FDX1: variants seen among roughly 807,000 people sequenced by gnomAD.
FDX1 encodes adrenodoxin, mitochondrial.
FDX1 carries 9 observed loss-of-function variants against 14.9 expected under a neutral mutation model. The observed-to-expected ratio is 0.60, with a 90% CI of 0.36 to 1.05. The LOEUF (loss-of-function observed/expected upper bound fraction) is 1.05. FDX1 is among the 50% of genes least tolerant of loss of function. The pLI is 0.01. For missense variants in FDX1, 204 were observed against 237.2 expected (o/e 0.86, Z 0.92); for synonymous variants, 92 against 99.4 (o/e 0.93, Z 0.44).
At chr11:110,442,242 AG>A (rs1458123442) in intron 2 of FDX1, among the ~76,000 whole-genome samples, 1 of 152,228 alleles carries the variant, frequency 6.6e-6, no homozygotes, top group Non-Finnish European at 1.5e-5. Context: ...CCCCACACAG[AG>A]TCCCTATTGG....
In FDX1 at chr11:110,444,685, C is replaced by CGTATATATATATATATAT. The variant is rs1946430925; in HGVS notation, c.310+8727_310+8728insGTATATATATATATATAT. ...ATATACGTATATATATATATATATA[C>CGTATATATATATATATAT]ACGTATATATATATATATACGTATA... On this transcript the variant is annotated intron_variant, in intron 2 of 3. Coordinates refer to ENST00000260270, the MANE Select transcript of FDX1 (RefSeq NM_004109.5). Among the ~76,000 whole-genome samples the CGTATATATATATATATAT allele has an allele frequency of 8.2e-5, 3 of 36,734 alleles. No homozygotes were observed. The South Asian group carries it at 2.8e-3, about 34-fold the overall frequency. The allele number at this position is 36,734 out of a possible 152,430, so 24.1% of individuals were successfully genotyped here.
chr11:110,433,597 C>G (rs1192052805), intron 1 of FDX1, among the ~76,000 whole-genome samples: 1 of 152,100 alleles, frequency 6.6e-6, no homozygotes, highest in Non-Finnish European at 1.5e-5. Flanking sequence ...TATTTTCATT[C>G]TCAGCCATTG....
intron 3 of FDX1, 83 bp from the exon 4 acceptor site, chr11:110,462,271 A>G (rs1270336563): frequency 5.8e-6 from 4 of 695,276 alleles, no homozygotes; most frequent in South Asian, 5.6e-5. Context: ...GTAAGAAAAT[A>G]TAAAGACTAT....
At chr11:110,432,614 G>A (rs1946339075) in intron 1 of FDX1, among the ~76,000 whole-genome samples, 1 of 152,140 alleles carries the variant, frequency 6.6e-6, no homozygotes, top group African/African-American at 2.4e-5. Flanking sequence ...GATTACAGGC[G>A]CGTGCCACCA....
intron 3 of FDX1, among the ~76,000 whole-genome samples, chr11:110,457,934 C>T (rs1173994270): frequency 6.6e-6 from 1 of 151,844 alleles, no homozygotes; most frequent in Non-Finnish European, 1.5e-5. Context: ...GACTGATAAC[C>T]CTGGGAAGAG....
chr11:110,464,823 A>G lies in FDX1; in HGVS notation c.*2355A>G, dbSNP rs1218669493. ...TTTCAAATTAGAAAAGTTCAAATGA[A>G]GTTTAATTGTGTTATTTTATAAAAC... On this transcript the variant is annotated 3_prime_UTR_variant, in exon 4 of 4. Transcript: ENST00000260270. The G allele has an allele frequency of 2.6e-5, 4 of 152,200 alleles. No homozygotes were observed. Among genetic ancestry groups the G allele is most frequent in the African/African-American group, 9.6e-5 (4 of 41,452 alleles). 9.4% of individuals were successfully genotyped at this position (152,200 alleles called of 1,614,324 possible). A position where few individuals can be genotyped will look rare whatever the true frequency, so the allele number is the denominator to read the frequency against.
At chr11:110,436,515 TTTCCTTGAC>T (rs1946370576) in intron 2 of FDX1, among the ~76,000 whole-genome samples, 1 of 152,108 alleles carries the variant, frequency 6.6e-6, no homozygotes, top group African/African-American at 2.4e-5. Flanking sequence ...TCTCAGAGGG[TTTCCTTGAC>T]CGTTAGCATT....
At position 110,435,684 on chromosome 11, in the gene FDX1, C is replaced by A. The variant is rs182106488; in HGVS notation, c.186-150C>A. 9.9e-3 allele frequency: 5,402 copies of A among 547,176 alleles called. 50 individuals are homozygous for A. Among genetic ancestry groups the A allele is most frequent in the Middle Eastern group, 0.038 (77 of 2,042 alleles). The allele number at this position is 547,176 out of a possible 1,614,324, so 33.9% of individuals were successfully genotyped here. On this transcript the variant is annotated intron_variant, in intron 1 of 3. Coordinates refer to ENST00000260270, the MANE Select transcript of FDX1 (RefSeq NM_004109.5). ...GCAACATGGTGGCACCCCGTCACTA[C>A]AAAAAATAAAAATAAAAAAAATTAG...
chr11:110,448,233 G>T (rs761950315), intron 2 of FDX1, among the ~76,000 whole-genome samples: 1 of 152,102 alleles, frequency 6.6e-6, no homozygotes, highest in Non-Finnish European at 1.5e-5. Flanking sequence ...CAAATTGGAA[G>T]ATCCTGATTG....
intron 2 of FDX1, among the ~76,000 whole-genome samples, chr11:110,451,614 C>T (rs1449303560): frequency 6.6e-6 from 1 of 152,128 alleles, no homozygotes; most frequent in Non-Finnish European, 1.5e-5. Context: ...ATAAATCATT[C>T]TGTTATAAAA....
intron 2 of FDX1, among the ~76,000 whole-genome samples, chr11:110,436,353 T>G (rs950705305): frequency 6.6e-6 from 1 of 152,196 alleles, no homozygotes; most frequent in Non-Finnish European, 1.5e-5. Flanking sequence ...AGTGATTTAT[T>G]TAGAAAGTTT....
chr11:110,437,021 G>T (rs1946374320), intron 2 of FDX1, among the ~76,000 whole-genome samples: 1 of 152,134 alleles, frequency 6.6e-6, no homozygotes, highest in Non-Finnish European at 1.5e-5. Flanking sequence ...TTTGAGACAG[G>T]ATCTTGCTCT....
intron 2 of FDX1, among the ~76,000 whole-genome samples, chr11:110,445,086 A>G (rs1286349204): frequency 6.6e-6 from 1 of 151,938 alleles, no homozygotes; most frequent in Non-Finnish European, 1.5e-5. Context: ...GGGCAGTATT[A>G]TTTGCTTATT....
intron 2 of FDX1, among the ~76,000 whole-genome samples, chr11:110,453,350 A>G (rs1417595654): frequency 2.6e-5 from 4 of 152,272 alleles, no homozygotes; most frequent in Admixed American, 2.0e-4. Context: ...AAACAAACAA[A>G]CACAACAAAA....
chr11:110,453,539 A>G (rs1461426324), intron 2 of FDX1, among the ~76,000 whole-genome samples: 1 of 146,556 alleles, frequency 6.8e-6, no homozygotes, highest in Non-Finnish European at 1.5e-5. Context: ...ATACCCAAAT[A>G]TTTACCTTAT....
chr11:110,462,458 A>G lies in FDX1; in HGVS notation c.545A>G (p.Lys182Arg). 5 of 1,429,358 alleles carry G rather than the reference A, an allele frequency of 3.5e-6. No individual in the cohort carries two copies. Among genetic ancestry groups the G allele is most frequent in the Non-Finnish European group, 2.0e-6 (2 of 1,012,442 alleles). The allele number at this position is 1,429,358 out of a possible 1,614,324, so 88.5% of individuals were successfully genotyped here. The change falls in exon 4 of 4, where the codon AAG becomes AGG. Residue 182 changes from lysine (K) to arginine (R), a missense_variant. By Grantham distance (26) the Lys-to-Arg change is conservative (BLOSUM62 2). Coordinates refer to ENST00000260270, the MANE Select transcript of FDX1 (RefSeq NM_004109.5). ...ADARQSIDVG[K>R]TS ...GCCAGACAATCCATTGATGTGGGCA[A>G]GACCTCCTGAACTAGAACAAATAGG...
rs952352610 is a variant in FDX1 at position 110,463,503 on chromosome 11, A to G, written c.*1035A>G. 6.6e-6 allele frequency: 1 copy of G among 152,270 alleles called. No individual in the cohort carries two copies. Among genetic ancestry groups the G allele is most frequent in the African/African-American group, 2.4e-5 (1 of 41,464 alleles). 9.4% of individuals were successfully genotyped at this position (152,270 alleles called of 1,614,324 possible). A position where few individuals can be genotyped will look rare whatever the true frequency, so the allele number is the denominator to read the frequency against. ...TTCATAAAAGTTAACAAAGGGGTAC[A>G]CAGTATGGTCTTTGGAAATATAATA... On this transcript the variant is annotated 3_prime_UTR_variant, in exon 4 of 4. Transcript: ENST00000260270.
chr11:110,437,667 C>T (rs1398456030), intron 2 of FDX1, among the ~76,000 whole-genome samples: 1 of 152,096 alleles, frequency 6.6e-6, no homozygotes, highest in Non-Finnish European at 1.5e-5. Flanking sequence ...TATTTAGATT[C>T]AGGGAGTACA....
chr11:110,433,860 T>A (rs1946348430), intron 1 of FDX1, among the ~76,000 whole-genome samples: 2 of 152,218 alleles, frequency 1.3e-5, no homozygotes, highest in South Asian at 4.1e-4. Flanking sequence ...TGAAATGGGA[T>A]CACTGGACTT....
Sources: allele counts gnomAD v4.1 joint callset (sites outside exome capture counted in the v4.1 genomes callset), GRCh38; gene constraint gnomAD v4.1.1; transcripts MANE v1.5; gene names NCBI Gene and HGNC (gene_info 2026-07-23, HGNC 2026-07-21).